RBP3: variants seen among roughly 807,000 people sequenced by gnomAD.
The protein encoded by RBP3 is retinol binding protein 3.
RBP3 carries 50 observed loss-of-function variants against 64.8 expected under a neutral mutation model. The observed-to-expected ratio is 0.77, with a 90% CI of 0.61 to 0.98. The LOEUF is 0.98. RBP3 is among the 50% of genes least tolerant of loss of function. The pLI, the probability that RBP3 is intolerant of heterozygous loss-of-function variation, is 0.00. For missense variants in RBP3, 1,712 were observed against 1,660.5 expected, an observed-to-expected ratio of 1.03 and a Z score of -0.54; for synonymous variants, 828 against 730.2, an observed-to-expected ratio of 1.13 and a Z score of -2.16.
Position 47,351,278 on chromosome 10 carries a change from G to A in RBP3, c.2794G>A (p.Ala932Thr). The A allele has an allele frequency of 1.9e-6, 3 of 1,613,472 alleles. No homozygotes were observed. The highest frequency in any genetic ancestry group is 2.5e-6 in the Non-Finnish European group (3 of 1,180,048). Reference protein sequence around the residue: ...EALSIAQDIVALRAKVPTVLQ... With the variant: ...EALSIAQDIVTLRAKVPTVLQ... ...CCTTTCCATAGCCCAGGACATAGTG[G>A]CTCTGCGTGCCAAGGTGCCCACGGT... The change falls in exon 1 of 4, where the codon GCT becomes ACT. Residue 932 changes from alanine to threonine, a missense_variant. Coordinates refer to ENST00000584701, the MANE Select transcript of RBP3 (RefSeq NM_002900.3).
rs1555211019 is a variant in RBP3, at chr10:47,349,214, C to T, written c.730C>T (p.His244Tyr). 6.2e-7 allele frequency: 1 copy of T among 1,613,532 alleles called. No homozygotes were observed. Among genetic ancestry groups the T allele is most frequent in the Non-Finnish European group, 8.5e-7 (1 of 1,180,022 alleles). ...QTRGVAEDIA[H>Y]ILKQMRRAIV... ...CAGGGGCGTGGCCGAGGACATCGCG[C>T]ACATCCTTAAGCAGATGCGCAGGGC... Residue 244 changes from histidine (H) to tyrosine (Y), a missense_variant, in exon 1 of 4, where the codon CAC becomes TAC. Transcript: ENST00000584701.
At position 47,349,951 on chromosome 10, in the gene RBP3, G is replaced by T. The variant is rs781937501; in HGVS notation, c.1467G>T (p.Val489=). 1 of 1,612,352 alleles carries T rather than the reference G, an allele frequency of 6.2e-7. No individual in the cohort carries two copies. Among genetic ancestry groups the T allele is most frequent in the South Asian group, 1.1e-5 (1 of 91,032 alleles). Residue 489 remains valine (V), a synonymous_variant, in exon 1 of 4, where the codon GTG becomes GTT. Coordinates refer to ENST00000584701, the MANE Select transcript of RBP3 (RefSeq NM_002900.3). ...RHNPGGPSSA[V]PLLLSYFQGP... is the part of the protein sequence containing the mutation. ...ACCCTGGAGGGCCATCCTCTGCTGT[G>T]CCCCTGCTCCTGTCCTACTTCCAGG...
At chr10:47,352,949 C>A (rs2234692) in intron 1 of RBP3, among the ~76,000 whole-genome samples, 104,841 of 152,082 alleles carry the variant, frequency 0.69, 36,247 homozygotes, top group African/African-American at 0.73. Flanking sequence ...TGCTTAGTAC[C>A]GGGCCAGGTG....
chr10:47,349,295 A>G lies in RBP3; in HGVS notation c.811A>G (p.Ile271Val). 1 of 1,612,838 alleles carries G rather than the reference A, an allele frequency of 6.2e-7. No homozygotes were observed. The highest frequency in any genetic ancestry group is 8.5e-7 in the Non-Finnish European group (1 of 1,179,956). The change falls in exon 1 of 4, where the codon ATA (isoleucine) becomes GTA (valine). Residue 271 changes from isoleucine to valine, a missense_variant. Transcript: ENST00000584701. The stretch of plus-strand genomic sequence containing the variant: ...GGCCCTGGACCTCCGGAAGCTGAGG[A>G]TAGGCGAGTCTGACTTCTTCTTCAC... ...GGALDLRKLR[I>V]GESDFFFTVP...
At chr10:47,357,013 C>A in intron 3 of RBP3, 89 bp from the exon 4 acceptor site, 2 of 1,250,130 alleles carry the variant, frequency 1.6e-6, no homozygotes, top group Non-Finnish European at 2.3e-6. Context: ...CGGGCCTCCT[C>A]CATCACTGCA....
Position 47,350,044 on chromosome 10 carries a change from C to T in RBP3, c.1560C>T (p.His520=), listed in dbSNP as rs781930337. ...GCCGCACCAACATCACGCAGGAGCA[C>T]TTCAGCCACATGGAGCTCCCGGGCC... ...YDRRTNITQE[H]FSHMELPGPR... is the part of the protein sequence containing the mutation. Residue 520 remains histidine, a synonymous_variant, in exon 1 of 4, where the codon CAC becomes CAT. Transcript: ENST00000584701. 2 of 1,613,060 alleles carry T rather than the reference C, an allele frequency of 1.2e-6. No homozygotes were observed.
rs2132252468 is a variant in RBP3 at position 47,348,892 on chromosome 10, C to T, written c.408C>T (p.Asp136=). ...LEGNVGYLRV[D]SVPGQEVLSM... ...GTAATGTGGGCTACCTGCGGGTGGA[C>T]AGCGTCCCGGGCCAGGAGGTGCTGA... is the stretch of plus-strand genomic sequence containing the variant. Residue 136 remains aspartate, a synonymous_variant, in exon 1 of 4, where the codon GAC becomes GAT. Coordinates refer to ENST00000584701, the MANE Select transcript of RBP3 (RefSeq NM_002900.3). 6.2e-7 allele frequency: 1 copy of T among 1,613,808 alleles called. No individual in the cohort carries two copies. Among genetic ancestry groups the T allele is most frequent in the Non-Finnish European group, 8.5e-7 (1 of 1,180,008 alleles).
At position 47,350,678 on chromosome 10, in the gene RBP3, G is replaced by A. The variant is rs567973114; in HGVS notation, c.2194G>A (p.Ala732Thr). 1.9e-5 allele frequency: 31 copies of A among 1,613,050 alleles called. No homozygotes were observed. The African/African-American group carries it at 4.0e-4, about 21-fold the overall frequency. The change falls in exon 1 of 4, where the codon GCC becomes ACC. Residue 732 changes from alanine (A) to threonine (T), a missense_variant. Ala to Thr is a moderately conservative substitution (Grantham distance 58). Transcript: ENST00000584701. ...AGAGGAGCTCACCTACCTTATTGAG[G>A]CCCTGTTCAAGACAGAGGTGCTGCC... ...SPEELTYLIE[A>T]LFKTEVLPGQ... is the part of the protein sequence containing the mutation.
At position 47,349,936 on chromosome 10, in the gene RBP3, G is replaced by A. The variant is rs782739699; in HGVS notation, c.1452G>A (p.Gly484=). 1.9e-6 allele frequency: 3 copies of A among 1,611,686 alleles called. No homozygotes were observed. The South Asian group carries it at 3.3e-5, about 18-fold the overall frequency. The change falls in exon 1 of 4, where the codon GGG becomes GGA. Residue 484 remains glycine (G), a synonymous_variant. Transcript: ENST00000584701. ...TGGACCTGCGCCACAACCCTGGAGG[G>A]CCATCCTCTGCTGTGCCCCTGCTCC... ...LIMDLRHNPG[G]PSSAVPLLLS... is the part of the protein sequence containing the mutation.
At chr10:47,356,540 G>C (rs1837049364) in intron 3 of RBP3, among the ~76,000 whole-genome samples, 1 of 152,084 alleles carries the variant, frequency 6.6e-6, no homozygotes, top group African/African-American at 2.4e-5. Flanking sequence ...AATTTTATTT[G>C]ATTACATTTT....
rs886047014 is a variant in RBP3, at chr10:47,357,637, T to C, written c.*180T>C. 1.2e-4 allele frequency: 71 copies of C among 587,344 alleles called. 1 individual carries two copies. Among genetic ancestry groups the C allele is most frequent in the Non-Finnish European group, 1.8e-4 (60 of 328,792 alleles). 36.4% of individuals were successfully genotyped at this position (587,344 alleles called of 1,614,324 possible). A position where few individuals can be genotyped will look rare whatever the true frequency, so the allele number is the denominator to read the frequency against. ...ACACACACACATGTATATACACATATATATGTGTATGTATATATATGTATA... is the reference window on the plus strand; with the variant it reads ...ACACACACACATGTATATACACATACATATGTGTATGTATATATATGTATA... On this transcript the variant is annotated 3_prime_UTR_variant, in exon 4 of 4. Transcript: ENST00000584701.
rs1836891744 is a variant in RBP3, at chr10:47,348,584, G to A, written c.100G>A (p.Val34Ile). 1.9e-6 allele frequency: 3 copies of A among 1,613,386 alleles called. No homozygotes were observed. The highest frequency in any genetic ancestry group is 1.1e-5 in the South Asian group (1 of 91,082). Residue 34 changes from valine to isoleucine, a missense_variant, in exon 1 of 4, where the codon GTC becomes ATC. By Grantham distance (29) the Val-to-Ile change is conservative. Coordinates refer to ENST00000584701, the MANE Select transcript of RBP3 (RefSeq NM_002900.3). ...QPSLVLDMAKVLLDNYCFPEN... is the reference protein window; with the variant it reads ...QPSLVLDMAKILLDNYCFPEN... ...AAGCCTGGTGCTGGACATGGCCAAG[G>A]TCCTCTTGGATAACTACTGCTTCCC...
Position 47,357,170 on chromosome 10 carries a change from G to A in RBP3, c.3457G>A (p.Glu1153Lys), listed in dbSNP as rs1387383463. 3 of 1,613,714 alleles carry A rather than the reference G, an allele frequency of 1.9e-6. No homozygotes were observed. The highest frequency in any genetic ancestry group is 1.3e-5 in the African/African-American group (1 of 74,940). The change falls in exon 4 of 4, where the codon GAG (glutamate) becomes AAG (lysine). Residue 1153 changes from glutamate to lysine, a missense_variant. Coordinates refer to ENST00000584701, the MANE Select transcript of RBP3 (RefSeq NM_002900.3). ...CAGTGTGACGGCCGGCACCGCGGAG[G>A]AGTTCACCTATATCATGAAGAGGCT... ...TSSVTAGTAE[E>K]FTYIMKRLGR... is the part of the protein sequence containing the mutation.
At chr10:47,357,036 A>T (rs1273248309) in intron 3 of RBP3, 66 bp from the exon 4 acceptor site, 2 of 1,478,640 alleles carry the variant, frequency 1.4e-6, no homozygotes, top group African/African-American at 2.8e-5. Context: ...CCCAGGCAGG[A>T]TAGAGAAGAC....
At position 47,350,816 on chromosome 10, in the gene RBP3, C is replaced by T; in HGVS notation, c.2332C>T (p.Leu778=). ...GCAACAGCTGGTGGACACGGCTGCGCTGGTGATCGACCTGCGCTACAACCC... is the reference window on the plus strand; with the variant it reads ...GCAACAGCTGGTGGACACGGCTGCGTTGGTGATCGACCTGCGCTACAACCC... ...VWQQLVDTAA[L]VIDLRYNPGS... Residue 778 remains leucine, a synonymous_variant, in exon 1 of 4, where the codon CTG becomes TTG. Coordinates refer to ENST00000584701, the MANE Select transcript of RBP3 (RefSeq NM_002900.3). 1.2e-6 allele frequency: 2 copies of T among 1,613,090 alleles called. No individual in the cohort carries two copies. Among genetic ancestry groups the T allele is most frequent in the Non-Finnish European group, 1.7e-6 (2 of 1,180,028 alleles).
In RBP3 at chr10:47,349,521, G is replaced by C; in HGVS notation, c.1037G>C (p.Arg346Pro). The stretch of plus-strand genomic sequence containing the variant: ...AAGGACTACTACACGCTGGTGGACC[G>C]TGTGCCCACCCTGCTGCAGCACTTG... ...VLKDYYTLVDRVPTLLQHLAS... is the reference protein window; with the variant it reads ...VLKDYYTLVDPVPTLLQHLAS... Residue 346 changes from arginine to proline, a missense_variant, in exon 1 of 4, where the codon CGT becomes CCT. Physicochemically the swap from Arg to Pro is moderately radical, Grantham distance 103 (BLOSUM62 -2). Transcript: ENST00000584701. 1 of 1,612,950 alleles carries C rather than the reference G, an allele frequency of 6.2e-7. No individual in the cohort carries two copies.
intron 2 of RBP3, among the ~76,000 whole-genome samples, chr10:47,354,985 G>GA (rs1471231009): frequency 6.6e-6 from 1 of 152,236 alleles, no homozygotes; most frequent in Non-Finnish European, 1.5e-5. Flanking sequence ...AATGCAACGG[G>GA]AAAAACAATG....
In RBP3 at chr10:47,350,709, A is replaced by C; in HGVS notation, c.2225A>C (p.Gln742Pro). 6.2e-7 allele frequency: 1 copy of C among 1,612,848 alleles called. No homozygotes were observed. Among genetic ancestry groups the C allele is most frequent in the Non-Finnish European group, 8.5e-7 (1 of 1,179,992 alleles). ...ALFKTEVLPG[Q>P]LGYLRFDAMA... ...TTCAAGACAGAGGTGCTGCCCGGCC[A>C]GCTGGGCTACCTGCGTTTTGACGCC... The change falls in exon 1 of 4, where the codon CAG becomes CCG. Residue 742 changes from glutamine (Q) to proline (P), a missense_variant. By Grantham distance (76) the Gln-to-Pro change is moderately conservative. Coordinates refer to ENST00000584701, the MANE Select transcript of RBP3 (RefSeq NM_002900.3).
rs782561773 is a variant in RBP3, at chr10:47,357,448, C to G, written c.3735C>G (p.Asp1245Glu). ...TGAAGCGGAGCCCAGGCCTGCAGGA[C>G]CACCTGTAGGGAAGGGCCCCATAGG... ...LRVKRSPGLQ[D>E]HL Residue 1245 changes from aspartate (D) to glutamate (E), a missense_variant, in exon 4 of 4, where the codon GAC (aspartate) becomes GAG (glutamate). Asp to Glu is a conservative substitution (Grantham distance 45). Coordinates refer to ENST00000584701, the MANE Select transcript of RBP3 (RefSeq NM_002900.3). 1 of 1,610,388 alleles carries G rather than the reference C, an allele frequency of 6.2e-7. No homozygotes were observed. Among genetic ancestry groups the G allele is most frequent in the Non-Finnish European group, 8.5e-7 (1 of 1,178,350 alleles).
Sources: gnomAD v4.1 joint callset for allele counts (sites outside exome capture counted in the v4.1 genomes callset) on GRCh38, gnomAD v4.1.1 for gene constraint, MANE v1.5 for transcripts, NCBI Gene and HGNC (gene_info 2026-07-23, HGNC 2026-07-21) for gene names.